The following SLC25A30 variants were observed in gnomAD, a reference collection of about 807,000 sequenced individuals.
The protein encoded by SLC25A30 is solute carrier family 25 member 30, also known as kidney mitochondrial carrier protein 1.
A neutral mutation model predicts 42.7 loss-of-function variants in SLC25A30; 29 were observed. The ratio of observed to expected loss-of-function variants is 0.68; its 90% CI spans 0.51 to 0.93. SLC25A30 has a LOEUF of 0.93. Among genes scored for constraint, SLC25A30 ranks in the 40% least tolerant of loss-of-function variants. The probability of loss-of-function intolerance (pLI) is 0.00; values close to 1 mark genes in which losing one functional copy is unlikely to be tolerated. For synonymous variants in SLC25A30, 124 were observed against 131.0 expected (o/e 0.95, Z 0.37); for missense variants, 300 against 359.7 (o/e 0.83, Z 1.34).
At chr13:45,422,029 C>A (rs1883902335), upstream of SLC25A30, among the ~76,000 whole-genome samples, 1 of 152,178 alleles carries the variant, frequency 6.6e-6, no homozygotes, top group African/African-American at 2.4e-5. Flanking sequence ...TCACTACACT[C>A]CCTTAGGTGG....
the SLC25A30 span, among the ~76,000 whole-genome samples, chr13:45,432,281 AAAAAC>A: frequency 6.6e-6 from 1 of 152,064 alleles, no homozygotes; most frequent in African/African-American, 2.4e-5. Context: ...AAAAAAAAAA[AAAAAC>A]AGTGTTACTT....
chr13:45,398,798 G>T, intron 8 of SLC25A30, 142 bp downstream of exon 8: 1 of 754,242 alleles, frequency 1.3e-6, no homozygotes, highest in Non-Finnish European at 2.0e-6. Flanking sequence ...GCACAGTGTG[G>T]CAAAAATGGT....
intron 2 of SLC25A30, among the ~76,000 whole-genome samples, chr13:45,410,668 C>T (rs1376709304): frequency 1.3e-5 from 2 of 152,042 alleles, no homozygotes; most frequent in Admixed American, 1.3e-4. Flanking sequence ...AAGAATTAGC[C>T]GGGCATGGTG....
chr13:45,428,883 C>T, the SLC25A30 span, among the ~76,000 whole-genome samples: 1 of 151,608 alleles, frequency 6.6e-6, no homozygotes, highest in Non-Finnish European at 1.5e-5. Flanking sequence ...AGAAACAAAT[C>T]ACAGCTAAAG....
In SLC25A30 at chr13:45,395,800, T is replaced by G; in HGVS notation, c.*174A>C. The G allele has an allele frequency of 2.0e-6, 3 of 1,489,820 alleles. No homozygotes were observed. Among genetic ancestry groups the G allele is most frequent in the Admixed American group, 4.4e-5 (2 of 45,642 alleles). The allele number at this position is 1,489,820 out of a possible 1,614,324, so 92.3% of individuals were successfully genotyped here. A position where few individuals can be genotyped will look rare whatever the true frequency, so the allele number is the denominator to read the frequency against. ...TTAGTTTATGCCATTAAACGTTTGA[T>G]GAAGAGCATCCAATGCCAACACACA... is the stretch of plus-strand genomic sequence containing the variant. On this transcript the variant is annotated 3_prime_UTR_variant, in exon 10 of 10. Transcript: ENST00000519676.
upstream of SLC25A30, among the ~76,000 whole-genome samples, chr13:45,423,201 T>C (rs1053983989): frequency 2.0e-5 from 3 of 151,920 alleles, no homozygotes; most frequent in African/African-American, 7.3e-5. Context: ...GAGGTCAGGA[T>C]GGAGGCTTTG....
At chr13:45,408,599 CA>C (rs985397909) in intron 3 of SLC25A30, among the ~76,000 whole-genome samples, 1 of 152,118 alleles carries the variant, frequency 6.6e-6, no homozygotes, top group African/African-American at 2.4e-5. Flanking sequence ...TTCATTATGG[CA>C]AAAACCTCCT....
upstream of SLC25A30, among the ~76,000 whole-genome samples, chr13:45,422,784 C>T (rs1883921335): frequency 2.0e-5 from 3 of 152,130 alleles, 1 homozygote; most frequent in South Asian, 6.2e-4. Flanking sequence ...GTATAAAATA[C>T]TCACAGCTCC....
At chr13:45,416,389 CAA>C (rs915131862) in intron 1 of SLC25A30, among the ~76,000 whole-genome samples, 1 of 151,462 alleles carries the variant, frequency 6.6e-6, no homozygotes, top group Non-Finnish European at 1.5e-5. Flanking sequence ...GCCTGGGCAA[CAA>C]AAGCAAAACT....
Position 45,394,245 on chromosome 13 carries a change from C to T in SLC25A30, c.*1729G>A. On this transcript the variant is annotated 3_prime_UTR_variant, in exon 10 of 10. Coordinates refer to ENST00000519676, the MANE Select transcript of SLC25A30 (RefSeq NM_001010875.4). ...AACAGGTAACCCTACCCCACTGCAC[C>T]CCGCCCCCGCCCCCACCTTCTGTTA... 1 of 887,556 alleles carries T rather than the reference C, an allele frequency of 1.1e-6. No individual in the cohort carries two copies. Among genetic ancestry groups the T allele is most frequent in the Non-Finnish European group, 1.3e-6 (1 of 742,950 alleles). 55.0% of individuals were successfully genotyped at this position (887,556 alleles called of 1,614,324 possible).
upstream of SLC25A30, among the ~76,000 whole-genome samples, chr13:45,419,148 A>G (rs866177195): frequency 4.1e-3 from 597 of 145,750 alleles, 5 homozygotes; most frequent in African/African-American, 0.013. Context: ...AAAAAAAAAA[A>G]AAAGAAAGAA....
chr13:45,425,121 A>ATACAT, the SLC25A30 span, among the ~76,000 whole-genome samples: 2 of 14,588 alleles, frequency 1.4e-4, no homozygotes, highest in African/African-American at 4.8e-4. Context: ...TATATTTATA[A>ATACAT]ATATATAAGT....
Position 45,393,339 on chromosome 13 carries a change from A to G in SLC25A30, c.*2635T>C. ...CATTTTTATTATTATATATTACTCC[A>G]GTTTATTAAATAAATGAAACAAGGC... On this transcript the variant is annotated 3_prime_UTR_variant, in exon 10 of 10. Coordinates refer to ENST00000519676, the MANE Select transcript of SLC25A30 (RefSeq NM_001010875.4). The G allele has an allele frequency of 5.2e-6, 5 of 962,566 alleles. No individual in the cohort carries two copies. The highest frequency in any genetic ancestry group is 6.2e-6 in the Non-Finnish European group (5 of 809,088). 59.6% of individuals were successfully genotyped at this position (962,566 alleles called of 1,614,324 possible). A position where few individuals can be genotyped will look rare whatever the true frequency, so the allele number is the denominator to read the frequency against.
At chr13:45,425,617 A>AT in the SLC25A30 span, among the ~76,000 whole-genome samples, 3 of 48,488 alleles carry the variant, frequency 6.2e-5, 1 homozygote, top group Middle Eastern at 0.014. Flanking sequence ...TACATATATA[A>AT]ATATATATAT....
chr13:45,410,388 T>A (rs529202885), intron 2 of SLC25A30, among the ~76,000 whole-genome samples: 2 of 152,210 alleles, frequency 1.3e-5, no homozygotes, highest in Non-Finnish European at 1.5e-5. Context: ...ATAAAACTTG[T>A]GTTTGAGGCT....
At chr13:45,433,731 C>A in the SLC25A30 span, among the ~76,000 whole-genome samples, 2 of 152,152 alleles carry the variant, frequency 1.3e-5, no homozygotes, top group Admixed American at 1.3e-4. Flanking sequence ...GGGCCACAGC[C>A]ATTTATGTCC....
the SLC25A30 span, among the ~76,000 whole-genome samples, chr13:45,424,185 T>A: frequency 1.5e-4 from 5 of 34,170 alleles, no homozygotes; most frequent in East Asian, 5.1e-4. Flanking sequence ...ATATAAATAT[T>A]TATGAATATA....
chr13:45,432,075 G>A, the SLC25A30 span, among the ~76,000 whole-genome samples: 1 of 151,920 alleles, frequency 6.6e-6, no homozygotes, highest in African/African-American at 2.4e-5. Flanking sequence ...TATGACACCA[G>A]CATGGCTAAC....
the SLC25A30 span, among the ~76,000 whole-genome samples, chr13:45,428,719 C>T: frequency 2.0e-5 from 3 of 151,460 alleles, no homozygotes; most frequent in African/African-American, 4.9e-5. Flanking sequence ...GACAGGGTTT[C>T]ACCATGTTGG....
Sources: gnomAD v4.1 joint callset for allele counts (sites outside exome capture counted in the v4.1 genomes callset) on GRCh38, gnomAD v4.1.1 for gene constraint, MANE v1.5 for transcripts, NCBI Gene and HGNC (gene_info 2026-07-23, HGNC 2026-07-21) for gene names.